The following DTHD1 variants were observed in gnomAD, a reference collection of about 807,000 sequenced individuals.
DTHD1 encodes the protein death domain-containing protein 1.
Under a neutral mutation model 74.8 loss-of-function variants are expected in DTHD1, and 59 were observed. The ratio of observed to expected loss-of-function variants is 0.79; its 90% CI spans 0.64 to 0.98. The LOEUF is 0.98. Among genes scored for constraint, DTHD1 ranks in the 50% least tolerant of loss-of-function variants. DTHD1 has a pLI of 0.00. For missense variants in DTHD1, 1,051 were observed against 1,065.4 expected (o/e 0.99, Z 0.19); for synonymous variants, 365 against 371.1 (o/e 0.98, Z 0.19).
chr4:36,284,720 C>G (rs755749715), intron 2 of DTHD1, 129 bp downstream of exon 2: 1 of 767,184 alleles, frequency 1.3e-6, no homozygotes, highest in East Asian at 2.9e-5. Flanking sequence ...TTTTAAACAA[C>G]AGATATTTAT....
chr4:36,307,424 C>A (rs77940754), intron 6 of DTHD1, among the ~76,000 whole-genome samples: 1 of 152,130 alleles, frequency 6.6e-6, no homozygotes, highest in Non-Finnish European at 1.5e-5. Context: ...GTTAAAATTT[C>A]CCTCTTTTAT....
At position 36,344,888 on chromosome 4, in the gene DTHD1, G is replaced by T. The variant is rs1759511694; in HGVS notation, c.*1064G>T. 6.6e-6 allele frequency: 1 copy of T among 151,964 alleles called. No homozygotes were observed. Among genetic ancestry groups the T allele is most frequent in the Admixed American group, 6.6e-5 (1 of 15,254 alleles). The allele number at this position is 151,964 out of a possible 1,614,324, so 9.4% of individuals were successfully genotyped here. On this transcript the variant is annotated 3_prime_UTR_variant, in exon 10 of 10. Coordinates refer to ENST00000639862, the MANE Select transcript of DTHD1 (RefSeq NM_001170700.3). ...ACAGTAAACAATACAAAATAAATTG[G>T]ACTGAAAGACTTGATGTCGGTGGTA...
At chr4:36,283,911 G>T in intron 1 of DTHD1, 65 bp from the exon 2 acceptor site, 4 of 1,127,756 alleles carry the variant, frequency 3.5e-6, no homozygotes, top group Non-Finnish European at 5.0e-6. Flanking sequence ...TTAGATGTCA[G>T]TGCAGAAACA....
intron 2 of DTHD1, among the ~76,000 whole-genome samples, chr4:36,288,647 TTC>T (rs1036701073): frequency 4.6e-5 from 7 of 152,222 alleles, no homozygotes; most frequent in African/African-American, 1.4e-4. Context: ...GGGTCCTCTT[TTC>T]TGTTCCACTG....
chr4:36,323,386 C>G (rs531916383), intron 8 of DTHD1, among the ~76,000 whole-genome samples: 6 of 152,054 alleles, frequency 3.9e-5, no homozygotes, highest in Middle Eastern at 3.4e-3. Flanking sequence ...AATGTTGTTC[C>G]TATATTATTT....
Position 36,316,462 on chromosome 4 carries a change from C to T in DTHD1, c.2316C>T (p.Cys772=). The change falls in exon 8 of 10, where the codon TGC becomes TGT. Residue 772 remains cysteine (C), a synonymous_variant. Coordinates refer to ENST00000639862, the MANE Select transcript of DTHD1 (RefSeq NM_001170700.3). ...INENHSQLPI[C]KLPLKLPKHK... is the part of the protein sequence containing the mutation. ...AAAACCATTCTCAGTTGCCAATTTGCAAATTACCATTGAAATTGCCAAAGG... is the reference window on the plus strand; with the variant it reads ...AAAACCATTCTCAGTTGCCAATTTGTAAATTACCATTGAAATTGCCAAAGG... 1 of 1,549,366 alleles carries T rather than the reference C, an allele frequency of 6.5e-7. No individual in the cohort carries two copies. Among genetic ancestry groups the T allele is most frequent in the South Asian group, 1.2e-5 (1 of 82,982 alleles).
intron 8 of DTHD1, among the ~76,000 whole-genome samples, chr4:36,334,941 A>G (rs1394415506): frequency 2.0e-5 from 3 of 152,216 alleles, no homozygotes; most frequent in East Asian, 1.9e-4. Flanking sequence ...TGTGCTTAAC[A>G]TGTGGCAAAT....
chr4:36,307,041 G>A (rs951461062), intron 6 of DTHD1, among the ~76,000 whole-genome samples: 19 of 152,210 alleles, frequency 1.2e-4, no homozygotes, highest in African/African-American at 3.6e-4. Context: ...TCTGCAGTGC[G>A]AGTACCAAGG....
chr4:36,312,767 G>A (rs1757479076), intron 7 of DTHD1, among the ~76,000 whole-genome samples: 1 of 152,212 alleles, frequency 6.6e-6, no homozygotes, highest in Admixed American at 6.5e-5. Flanking sequence ...GGTTGTGGGA[G>A]ATGAGGTGAG....
chr4:36,322,374 G>A (rs935340880), intron 8 of DTHD1, among the ~76,000 whole-genome samples: 5 of 152,172 alleles, frequency 3.3e-5, no homozygotes, highest in Non-Finnish European at 7.3e-5. Flanking sequence ...ACAGTGAGAA[G>A]TGCCAAGGAA....
chr4:36,281,848 G>A lies in DTHD1; in HGVS notation c.90G>A (p.Leu30=), dbSNP rs1578427346. The change falls in exon 1 of 10, where the codon TTG becomes TTA. Residue 30 remains leucine (L), a synonymous_variant. Transcript: ENST00000639862. ...ACCAGATGCTAAAGCAGGCACTCTTGGGTGATGACCTTTGTGAGGGGGCTG... is the reference window on the plus strand; with the variant it reads ...ACCAGATGCTAAAGCAGGCACTCTTAGGTGATGACCTTTGTGAGGGGGCTG... ...RQNQMLKQAL[L]GDDLCEGAGG... 7 of 1,258,028 alleles carry A rather than the reference G, an allele frequency of 5.6e-6. No homozygotes were observed. The highest frequency in any genetic ancestry group is 7.0e-6 in the Non-Finnish European group (7 of 999,642). 77.9% of individuals were successfully genotyped at this position (1,258,028 alleles called of 1,614,324 possible). A position where few individuals can be genotyped will look rare whatever the true frequency, so the allele number is the denominator to read the frequency against.
intron 7 of DTHD1, 85 bp from the exon 8 acceptor site, chr4:36,316,157 G>T: frequency 1.6e-6 from 2 of 1,289,542 alleles, no homozygotes; most frequent in East Asian, 2.6e-5. Context: ...GGATGGTCTC[G>T]ATCTCCTGAC....
At chr4:36,294,453 A>G (rs1161817263) in intron 4 of DTHD1, among the ~76,000 whole-genome samples, 1 of 152,042 alleles carries the variant, frequency 6.6e-6, no homozygotes, top group Non-Finnish European at 1.5e-5. Context: ...CTAGTTTCTA[A>G]AGATCACTTG....
rs904621243 is a variant in DTHD1 at position 36,318,804 on chromosome 4, C to T, written c.2340+2318C>T. Reference sequence around the variant, plus strand: ...TAATTTTTTGTATTTTTAGTAGAGACGGGGTTTCACCGTGTTAGCCAGGAT... The same window carrying T: ...TAATTTTTTGTATTTTTAGTAGAGATGGGGTTTCACCGTGTTAGCCAGGAT... On this transcript the variant is annotated intron_variant, in intron 8 of 9. Coordinates refer to ENST00000639862, the MANE Select transcript of DTHD1 (RefSeq NM_001170700.3). 4.6e-5 allele frequency among the ~76,000 whole-genome samples: 7 copies of T among 152,016 alleles called. 1 individual carries two copies. The highest frequency in any genetic ancestry group is 6.8e-3 in the Middle Eastern group (2 of 294).
chr4:36,341,412 G>A (rs147958107), intron 9 of DTHD1, among the ~76,000 whole-genome samples: 1 of 152,172 alleles, frequency 6.6e-6, no homozygotes, highest in Non-Finnish European at 1.5e-5. Flanking sequence ...TGAAAACAAA[G>A]TTAGGAGAAC....
intron 7 of DTHD1, among the ~76,000 whole-genome samples, chr4:36,308,932 T>C (rs1362676549): frequency 6.6e-6 from 1 of 152,192 alleles, no homozygotes; most frequent in Admixed American, 6.5e-5. Context: ...CTATCTAAAA[T>C]AATATCCAAA....
chr4:36,327,743 G>A (rs2109548612), intron 8 of DTHD1, among the ~76,000 whole-genome samples: 1 of 152,226 alleles, frequency 6.6e-6, no homozygotes, highest in African/African-American at 2.4e-5. Context: ...ATTCCAGACT[G>A]CTTTTGATAA....
chr4:36,313,818 T>C (rs1397626041), intron 7 of DTHD1, among the ~76,000 whole-genome samples: 1 of 152,170 alleles, frequency 6.6e-6, no homozygotes, highest in Non-Finnish European at 1.5e-5. Context: ...TTTCAAGGGA[T>C]AGAAGGGGAA....
chr4:36,344,016 C>G lies in DTHD1; in HGVS notation c.*192C>G. The G allele has an allele frequency of 1.7e-6, 1 of 602,884 alleles. No individual in the cohort carries two copies. 37.3% of individuals were successfully genotyped at this position (602,884 alleles called of 1,614,324 possible). ...GAAAGCATTCCTGGGTGTGAGCGCT[C>G]CTCTCTGGTTGAGTGATTATGTTTT... On this transcript the variant is annotated 3_prime_UTR_variant, in exon 10 of 10. Coordinates refer to ENST00000639862, the MANE Select transcript of DTHD1 (RefSeq NM_001170700.3).
Sources: allele counts gnomAD v4.1 joint callset (sites outside exome capture counted in the v4.1 genomes callset), GRCh38; gene constraint gnomAD v4.1.1; transcripts MANE v1.5; gene names NCBI Gene and HGNC (gene_info 2026-07-23, HGNC 2026-07-21).